The following FAM193A variants were observed in gnomAD, a reference collection of about 807,000 sequenced individuals.
The protein encoded by FAM193A is family with sequence similarity 193 member A, also known as protein FAM193A.
A neutral mutation model predicts 126.5 loss-of-function variants in FAM193A; 22 were observed. The ratio of observed to expected loss-of-function variants is 0.17; its 90% CI spans 0.12 to 0.25. The LOEUF is 0.25. Among genes scored for constraint, FAM193A ranks in the 10% least tolerant of loss-of-function variants. FAM193A has a pLI of 1.00. For synonymous variants in FAM193A, 761 were observed against 646.8 expected (o/e 1.18, Z -2.68); for missense variants, 1,675 against 1,672.8 (o/e 1.00, Z -0.02).
Position 2,660,028 on chromosome 4 carries a change from C to T in FAM193A, c.1719C>T (p.Leu573=), listed in dbSNP as rs1353052351. ...TTCAGCAGCACCCCAGGCTCATCCT[C>T]ACAGACAGTGGCTCGGCACCAACTT... ...ITIQQHPRLI[L]TDSGSAPTFC... is the part of the protein sequence containing the mutation. The change falls in exon 10 of 21, where the codon CTC becomes CTT. Residue 573 remains leucine (L), a synonymous_variant. Transcript: ENST00000637812. The T allele has an allele frequency of 6.2e-7, 1 of 1,614,052 alleles. No individual in the cohort carries two copies. Among genetic ancestry groups the T allele is most frequent in the South Asian group, 1.1e-5 (1 of 91,080 alleles).
chr4:2,565,735 G>T (rs1331333973), intron 1 of FAM193A, among the ~76,000 whole-genome samples: 1 of 152,152 alleles, frequency 6.6e-6, no homozygotes. Context: ...AGCACTAATG[G>T]GTCAGCCTGA....
At chr4:2,696,735 G>A (rs1717083420) in intron 18 of FAM193A, 142 bp downstream of exon 18, 1 of 630,988 alleles carries the variant, frequency 1.6e-6, no homozygotes, top group Non-Finnish European at 2.8e-6. Context: ...TTTGTTCTGA[G>A]AGCCAGCCTG....
At chr4:2,725,645 G>A (rs1720660399) in intron 20 of FAM193A, among the ~76,000 whole-genome samples, 1 of 151,276 alleles carries the variant, frequency 6.6e-6, no homozygotes, top group African/African-American at 2.4e-5. Flanking sequence ...CTCATATCCT[G>A]TAGTTCAACA....
intron 1 of FAM193A, among the ~76,000 whole-genome samples, chr4:2,573,591 C>T (rs907291731): frequency 2.6e-5 from 4 of 151,850 alleles, no homozygotes; most frequent in Non-Finnish European, 5.9e-5. Flanking sequence ...TCTCTGCTTT[C>T]ACCACTTTGA....
At chr4:2,655,197 A>G in intron 7 of FAM193A, 1 of 607,790 alleles carries the variant, frequency 1.6e-6, no homozygotes, top group Non-Finnish European at 3.0e-6. Flanking sequence ...CAAATTAAAG[A>G]AGTTTACCTT....
intron 2 of FAM193A, among the ~76,000 whole-genome samples, chr4:2,620,664 C>A (rs995254797): frequency 2.0e-5 from 3 of 151,688 alleles, no homozygotes; most frequent in Non-Finnish European, 4.4e-5. Flanking sequence ...GCCTTGTCAA[C>A]GTGGTGTAAC....
chr4:2,668,487 A>G (rs1713398342), intron 12 of FAM193A, among the ~76,000 whole-genome samples: 1 of 152,124 alleles, frequency 6.6e-6, no homozygotes, highest in South Asian at 2.1e-4. Flanking sequence ...CTGAGATTAC[A>G]GGTGTGAGCC....
At chr4:2,562,027 C>T (rs1450515407) in intron 1 of FAM193A, among the ~76,000 whole-genome samples, 1 of 152,088 alleles carries the variant, frequency 6.6e-6, no homozygotes, top group African/African-American at 2.4e-5. Context: ...GATCTCAGGT[C>T]ATCTGTATGT....
At chr4:2,598,886 G>A (rs1442658307) in intron 2 of FAM193A, among the ~76,000 whole-genome samples, 2 of 152,164 alleles carry the variant, frequency 1.3e-5, no homozygotes, top group Non-Finnish European at 2.9e-5. Flanking sequence ...CCCCCCTCTA[G>A]CCTGACTCTT....
chr4:2,632,457 G>A (rs951695315), intron 5 of FAM193A, among the ~76,000 whole-genome samples: 3 of 152,126 alleles, frequency 2.0e-5, no homozygotes, highest in Non-Finnish European at 4.4e-5. Context: ...TACTCAAGAG[G>A]CTGTGAGGCA....
chr4:2,587,509 T>G (rs1740298882), intron 1 of FAM193A, among the ~76,000 whole-genome samples: 1 of 152,090 alleles, frequency 6.6e-6, no homozygotes, highest in African/African-American at 2.4e-5. Flanking sequence ...CCTGGCGACC[T>G]AGCAAAACCT....
At chr4:2,541,975 C>G (rs567327424) in intron 1 of FAM193A, among the ~76,000 whole-genome samples, 3 of 151,552 alleles carry the variant, frequency 2.0e-5, no homozygotes, top group South Asian at 2.1e-4. Flanking sequence ...CTCAGCCTCC[C>G]GAGTAGCTGA....
At chr4:2,727,060 A>C (rs988670852) in intron 20 of FAM193A, among the ~76,000 whole-genome samples, 2 of 151,854 alleles carry the variant, frequency 1.3e-5, no homozygotes, top group Non-Finnish European at 2.9e-5. Context: ...AGAGATAGAG[A>C]CCATTCTGGC....
At chr4:2,667,796 G>C (rs143284568) in intron 12 of FAM193A, among the ~76,000 whole-genome samples, 1 of 151,796 alleles carries the variant, frequency 6.6e-6, no homozygotes, top group African/African-American at 2.4e-5. Flanking sequence ...TAATTCTTCT[G>C]TTGATTCTTT....
intron 20 of FAM193A, among the ~76,000 whole-genome samples, chr4:2,729,453 G>T (rs1032134310): frequency 1.3e-5 from 2 of 152,214 alleles, no homozygotes; most frequent in Non-Finnish European, 2.9e-5. Flanking sequence ...TGGGGCACTT[G>T]CCTCTCGAGT....
intron 13 of FAM193A, among the ~76,000 whole-genome samples, chr4:2,680,444 C>T (rs1159286136): frequency 1.3e-5 from 2 of 151,914 alleles, no homozygotes; most frequent in African/African-American, 4.8e-5. Flanking sequence ...CCTTGGCCCC[C>T]CAATAGCTGG....
At chr4:2,590,511 A>AC (rs1740505230) in intron 1 of FAM193A, among the ~76,000 whole-genome samples, 1 of 128,676 alleles carries the variant, frequency 7.8e-6, no homozygotes, top group African/African-American at 3.9e-5. Context: ...AAAAACAAAA[A>AC]AAAAACAAAA....
intron 1 of FAM193A, among the ~76,000 whole-genome samples, chr4:2,550,340 C>G (rs1485232662): frequency 3.3e-5 from 5 of 152,048 alleles, no homozygotes; most frequent in Non-Finnish European, 5.9e-5. Flanking sequence ...GCCACCACAC[C>G]CAGCCTAGAC....
chr4:2,629,106 C>A (rs967077997), intron 4 of FAM193A, among the ~76,000 whole-genome samples: 3 of 151,734 alleles, frequency 2.0e-5, no homozygotes, highest in African/African-American at 7.3e-5. Context: ...GGATTATAGG[C>A]GTGAGCCACT....
Sources: gnomAD v4.1 joint callset for allele counts (sites outside exome capture counted in the v4.1 genomes callset) on GRCh38, gnomAD v4.1.1 for gene constraint, MANE v1.5 for transcripts, NCBI Gene and HGNC (gene_info 2026-07-23, HGNC 2026-07-21) for gene names.